The following PKD1 variants were observed in gnomAD, a reference collection of about 807,000 sequenced individuals.
PKD1 encodes the protein polycystin 1, transient receptor potential channel interacting.
PKD1 carries 81 observed loss-of-function variants against 361.7 expected under a neutral mutation model. That is an observed-to-expected ratio of 0.22 (90% CI 0.19 to 0.27). PKD1 has a LOEUF of 0.27. Among genes scored for constraint, PKD1 ranks in the 10% least tolerant of loss-of-function variants. The pLI is 1.00. For synonymous variants in PKD1, 3,615 were observed against 2,818.3 expected, an observed-to-expected ratio of 1.28 and a Z score of -8.95; for missense variants, 6,399 against 6,118.3, an observed-to-expected ratio of 1.05 and a Z score of -1.53.
In PKD1 at chr16:2,088,895, A is replaced by C; in HGVS notation, c.*832T>G. 2 of 427,136 alleles carry C rather than the reference A, an allele frequency of 4.7e-6. No homozygotes were observed. The highest frequency in any genetic ancestry group is 8.7e-6 in the Non-Finnish European group (2 of 230,238). The allele number at this position is 427,136 out of a possible 1,614,324, so 26.5% of individuals were successfully genotyped here. ...CGTGCGCGCGCGCACACACACACAC[A>C]CACAGTCACCTTCCTCCACCCTGGG... On this transcript the variant is annotated 3_prime_UTR_variant, in exon 46 of 46. Transcript: ENST00000262304.
At chr16:2,112,022 C>G (rs1046807558) in intron 14 of PKD1, 151 bp from the exon 15 acceptor site, 4 of 846,664 alleles carry the variant, frequency 4.7e-6, no homozygotes, top group Admixed American at 2.1e-5. Context: ...ACGTGCGGGA[C>G]GGAGCACAGG....
At chr16:2,104,385 G>T in intron 22 of PKD1, 113 bp downstream of exon 22, 1 of 613,212 alleles carries the variant, frequency 1.6e-6, no homozygotes, top group East Asian at 3.0e-5. Context: ...TTGGGGGGAG[G>T]GGAGGGGGAC....
chr16:2,125,179 C>T (rs1448989533), intron 1 of PKD1, among the ~76,000 whole-genome samples: 1 of 152,308 alleles, frequency 6.6e-6, no homozygotes, highest in East Asian at 1.9e-4. Flanking sequence ...TTTAAATTAA[C>T]GGGCTGCAGT....
At position 2,097,492 on chromosome 16, in the gene PKD1, C is replaced by G. The variant is rs549326097; in HGVS notation, c.10232G>C (p.Trp3411Ser). 1.6e-5 allele frequency: 26 copies of G among 1,601,838 alleles called. No individual in the cohort carries two copies. Among genetic ancestry groups the G allele is most frequent in the Middle Eastern group, 2.0e-4 (1 of 4,898 alleles). The change falls in exon 33 of 46, where the codon TGG becomes TCG. Residue 3411 changes from tryptophan (W) to serine (S), a missense_variant. Trp to Ser is a radical substitution (Grantham distance 177, BLOSUM62 -3). Transcript: ENST00000262304. ...ACTGAGCGTTCCCTCGCCGGAGGGCCAGCACACCAGACTGCAGGTGGCGCG... is the reference window on the plus strand; with the variant it reads ...ACTGAGCGTTCCCTCGCCGGAGGGCGAGCACACCAGACTGCAGGTGGCGCG... Reference protein sequence around the residue: ...FLDDSKSLVCWPSGEGTLSWP... With the variant: ...FLDDSKSLVCSPSGEGTLSWP...
chr16:2,109,584 G>A lies in PKD1; in HGVS notation c.5583C>T (p.Thr1861=), dbSNP rs763079908. ...TGGAGGCATTGAGCCGGATGGAGAA[G>A]GTGCCAGCATCCGGGAAGACCATGG... The part of the protein sequence containing the change: ...HVTMVFPDAG[T]FSIRLNASNA... The change falls in exon 15 of 46, where the codon ACC becomes ACT. Residue 1861 remains threonine (T), a synonymous_variant. Transcript: ENST00000262304. 11 of 1,611,732 alleles carry A rather than the reference G, an allele frequency of 6.8e-6. No homozygotes were observed. The highest frequency in any genetic ancestry group is 4.5e-5 in the East Asian group (2 of 44,858).
In PKD1 at chr16:2,106,855, C is replaced by T. The variant is rs755897073; in HGVS notation, c.7159G>A (p.Val2387Met). The T allele has an allele frequency of 1.3e-5, 20 of 1,550,178 alleles. No individual in the cohort carries two copies. Among genetic ancestry groups the T allele is most frequent in the South Asian group, 2.2e-5 (2 of 90,294 alleles). Residue 2387 changes from valine to methionine, a missense_variant, in exon 17 of 46, where the codon GTG (valine) becomes ATG (methionine). Transcript: ENST00000262304. This position sits in a 1 kb window ranked among gnomAD's most constrained non-coding sequence, Gnocchi z 6.5. ...AVYEVSRSSY[V>M]YLEGRCLNCS... ...TTGAGGCAGCGGCCCTCCAAGTACA[C>T]GTAGGAGCTGCGGCTCACTTCGTAC...
At chr16:2,113,877 G>C (rs1197942306) in intron 11 of PKD1, 1 of 514,332 alleles carries the variant, frequency 1.9e-6, no homozygotes, top group Non-Finnish European at 3.5e-6. Flanking sequence ...ACAGCAGAGG[G>C]CGTGAGAGAC....
At chr16:2,107,054 C>T (rs1233153908) in intron 16 of PKD1, 106 bp from the exon 17 acceptor site, 3 of 1,065,066 alleles carry the variant, frequency 2.8e-6, no homozygotes, top group Non-Finnish European at 2.8e-6. Context: ...TTCCCAGGGG[C>T]CTGGCCACTG....
Position 2,110,876 on chromosome 16 carries a change from C to A in PKD1, c.4291G>T (p.Val1431Leu). 3 of 1,611,740 alleles carry A rather than the reference C, an allele frequency of 1.9e-6. No homozygotes were observed. The highest frequency in any genetic ancestry group is 1.7e-6 in the Non-Finnish European group (2 of 1,179,842). ...AAPTRARGPE[V>L]TFIYRDPGSY... Reference sequence around the variant, plus strand: ...CCTGGGTCTCGGTAGATGAACGTCACCTCAGGGCCCCTGGCACGGGTGGGG... The same window carrying A: ...CCTGGGTCTCGGTAGATGAACGTCAACTCAGGGCCCCTGGCACGGGTGGGG... The change falls in exon 15 of 46, where the codon GTG becomes TTG. Residue 1431 changes from valine to leucine, a missense_variant. Physicochemically the swap from Val to Leu is conservative, Grantham distance 32. Transcript: ENST00000262304.
At chr16:2,094,038 G>A (rs2855359) in intron 35 of PKD1, 25 bp from the exon 36 acceptor site, 2 of 1,592,170 alleles carry the variant, frequency 1.3e-6, no homozygotes, top group Middle Eastern at 1.7e-4. Context: ...ACAGACCTGT[G>A]AGAGGCAGCT....
In PKD1 at chr16:2,127,233, G is replaced by A. The variant is rs566100774; in HGVS notation, c.216-7855C>T. On this transcript the variant is annotated intron_variant, in intron 1 of 45. Transcript: ENST00000262304. ...GAGCGGAACTCAGGCAGTGCCACTC[G>A]CCAGCTTACGTCAAAAGAACAAAAG... Among the ~76,000 whole-genome samples, 7 of 152,324 alleles carry A rather than the reference G, an allele frequency of 4.6e-5. No individual in the cohort carries two copies. The East Asian group carries it at 9.7e-4, about 21-fold the overall frequency.
chr16:2,093,292 G>C, intron 37 of PKD1, 199 bp from the exon 38 acceptor site: 1 of 702,864 alleles, frequency 1.4e-6, no homozygotes, highest in Non-Finnish European at 2.4e-6. Flanking sequence ...CAGACACACA[G>C]GCCACTGCAG....
rs574949251 is a variant in PKD1, at chr16:2,098,131, G to A, written c.10051-147C>T. ...GCTGGATATATGGGACATCTGCACC[G>A]TCCGTGATGGCAGCCCCTCGCGACG... is the stretch of plus-strand genomic sequence containing the variant. On this transcript the variant is annotated intron_variant, in intron 30 of 45. Coordinates refer to ENST00000262304, the MANE Select transcript of PKD1 (RefSeq NM_001009944.3). The A allele has an allele frequency of 2.3e-4, 140 of 620,788 alleles. 2 individuals are homozygous for A. The East Asian group carries it at 2.7e-3, about 12-fold the overall frequency. The allele number at this position is 620,788 out of a possible 1,614,324, so 38.5% of individuals were successfully genotyped here.
chr16:2,112,930 C>T lies in PKD1; in HGVS notation c.3019G>A (p.Val1007Met), dbSNP rs376176735. 3.6e-5 allele frequency: 58 copies of T among 1,603,786 alleles called. No homozygotes were observed. The highest frequency in any genetic ancestry group is 6.6e-5 in the South Asian group (6 of 90,996). ...TASNHVSNVT[V>M]NYNVTVERMN... The stretch of plus-strand genomic sequence containing the variant: ...CGCTCCACGGTTACGTTGTAGTTCA[C>T]GGTGACGTTGCTCACGTGGTTGGAG... The change falls in exon 13 of 46, where the codon GTG becomes ATG. Residue 1007 changes from valine to methionine, a missense_variant. Physicochemically the swap from Val to Met is conservative, Grantham distance 21. Transcript: ENST00000262304.
intron 45 of PKD1, 21 bp downstream of exon 45, chr16:2,090,264 C>A (rs752963472): frequency 6.2e-7 from 1 of 1,608,600 alleles, no homozygotes; most frequent in South Asian, 1.1e-5. Context: ...GTCCCTCTCC[C>A]CCCCACTGGG....
At chr16:2,117,362 G>A (rs1003183158) in intron 6 of PKD1, 127 bp downstream of exon 6, 22 of 697,448 alleles carry the variant, frequency 3.2e-5, no homozygotes, top group African/African-American at 2.0e-4. Context: ...ACCGGCCGGC[G>A]CCACCTGCTC....
rs375959717 is a variant in PKD1 at position 2,093,832 on chromosome 16, G to C, written c.10800C>G (p.Phe3600Leu). 3 of 1,560,934 alleles carry C rather than the reference G, an allele frequency of 1.9e-6. No homozygotes were observed. The highest frequency in any genetic ancestry group is 2.7e-5 in the African/African-American group (2 of 73,666). Reference sequence around the variant, plus strand: ...TCACCTTCAGTGGCTCCCAGCCGAGGAATGAGGCCAGGAAGCTGGCGCTGC... The same window carrying C: ...TCACCTTCAGTGGCTCCCAGCCGAGCAATGAGGCCAGGAAGCTGGCGCTGC... ...LSSSASFLASFLGWEPLKVLL... is the reference protein window; with the variant it reads ...LSSSASFLASLLGWEPLKVLL... Residue 3600 changes from phenylalanine (F) to leucine (L), a missense_variant, in exon 36 of 46, where the codon TTC becomes TTG. Phe to Leu is a conservative substitution (Grantham distance 22, BLOSUM62 0). Coordinates refer to ENST00000262304, the MANE Select transcript of PKD1 (RefSeq NM_001009944.3).
In PKD1 at chr16:2,114,786, T is replaced by C. The variant is rs1258725072; in HGVS notation, c.2237A>G (p.Asn746Ser). The C allele has an allele frequency of 6.4e-6, 8 of 1,257,232 alleles. No homozygotes were observed. The highest frequency in any genetic ancestry group is 2.6e-4 in the Middle Eastern group (1 of 3,906). The allele number at this position is 1,257,232 out of a possible 1,614,324, so 77.9% of individuals were successfully genotyped here. ...CAAGTGGGGCAGCCATGACGAGGCG[T>C]TGGCGGAGAGGTACGGGGCCCGGGG... The part of the protein sequence containing the change: ...PGPRAPYLSA[N>S]ASSWLPHLPA... Residue 746 changes from asparagine (N) to serine (S), a missense_variant, in exon 11 of 46, where the codon AAC becomes AGC. Transcript: ENST00000262304.
intron 1 of PKD1, among the ~76,000 whole-genome samples, chr16:2,122,218 C>G (rs2092732349): frequency 1.3e-5 from 2 of 152,264 alleles, no homozygotes; most frequent in Admixed American, 6.5e-5. Context: ...GGTGCCCAGA[C>G]AGATGAGACG....
Sources: gnomAD v4.1 joint callset for allele counts (sites outside exome capture counted in the v4.1 genomes callset) on GRCh38, gnomAD v4.1.1 for gene constraint, Gnocchi (gnomAD v3.1) non-coding constraint, MANE v1.5 for transcripts, NCBI Gene and HGNC (gene_info 2026-07-23, HGNC 2026-07-21) for gene names.